The following AKAP13 variants were observed in gnomAD, a reference collection of about 807,000 sequenced individuals.
AKAP13 encodes A-kinase anchor protein 13.
Under a neutral mutation model 264.5 loss-of-function variants are expected in AKAP13, and 80 were observed. The observed-to-expected ratio is 0.30, with a 90% CI of 0.25 to 0.36. The LOEUF (loss-of-function observed/expected upper bound fraction) is 0.36. AKAP13 is among the 10% of genes least tolerant of loss of function. The pLI, the probability that AKAP13 is intolerant of heterozygous loss-of-function variation, is 1.00. For synonymous variants in AKAP13, 1,380 were observed against 1,250.2 expected, an observed-to-expected ratio of 1.10 and a Z score of -2.19; for missense variants, 3,712 against 3,435.2, an observed-to-expected ratio of 1.08 and a Z score of -2.01.
intron 2 of AKAP13, among the ~76,000 whole-genome samples, chr15:85,516,742 A>G (rs2076614826): frequency 6.6e-6 from 1 of 152,144 alleles, no homozygotes; most frequent in South Asian, 2.1e-4. Flanking sequence ...ATCATTTGCC[A>G]ATTTCAGTGG....
chr15:85,681,019 T>A (rs2084566443), intron 14 of AKAP13, among the ~76,000 whole-genome samples: 1 of 152,148 alleles, frequency 6.6e-6, no homozygotes, highest in Admixed American at 6.5e-5. Flanking sequence ...GGTTTCACCA[T>A]GTTGGTCAGC....
At chr15:85,563,343 TTTTTTTTTTTTA>T (rs1477271832) in intron 5 of AKAP13, among the ~76,000 whole-genome samples, 5 of 138,186 alleles carry the variant, frequency 3.6e-5, no homozygotes, top group African/African-American at 8.8e-5. Context: ...TTTTTTTTTT[TTTTTTTTTTTTA>T]AAGACGGAGA....
At chr15:85,730,204 G>A (rs2087902161) in intron 29 of AKAP13, among the ~76,000 whole-genome samples, 1 of 152,240 alleles carries the variant, frequency 6.6e-6, no homozygotes, top group Non-Finnish European at 1.5e-5. Context: ...AGCAGTTGCA[G>A]AGTGGACAGA....
chr15:85,456,476 A>T (rs1054651359), intron 1 of AKAP13, among the ~76,000 whole-genome samples: 11 of 151,334 alleles, frequency 7.3e-5, no homozygotes, highest in African/African-American at 2.7e-4. Flanking sequence ...TTTTTAATTT[A>T]ATTTTATTTT....
At chr15:85,527,171 G>A (rs1189422072) in intron 3 of AKAP13, among the ~76,000 whole-genome samples, 1 of 152,106 alleles carries the variant, frequency 6.6e-6, no homozygotes. Flanking sequence ...CACCGTGTTA[G>A]CCAGGATGGT....
intron 2 of AKAP13, among the ~76,000 whole-genome samples, chr15:85,500,715 TG>T (rs2098539347): frequency 1.3e-5 from 2 of 152,186 alleles, no homozygotes; most frequent in Non-Finnish European, 2.9e-5. Flanking sequence ...TCCTTTTATG[TG>T]GGGGCTGTAA....
At chr15:85,577,585 C>G (rs1246814292) in intron 6 of AKAP13, among the ~76,000 whole-genome samples, 3 of 151,940 alleles carry the variant, frequency 2.0e-5, no homozygotes, top group East Asian at 3.9e-4. Flanking sequence ...GTTTTATGAA[C>G]CTTGATTTTC....
chr15:85,434,210 G>C (rs1384712539), intron 1 of AKAP13, among the ~76,000 whole-genome samples: 1 of 152,072 alleles, frequency 6.6e-6, no homozygotes, highest in African/African-American at 2.4e-5. Flanking sequence ...AAGGGGTGAC[G>C]GACGCACCTG....
At chr15:85,483,972 T>TA (rs1292854854) in intron 1 of AKAP13, among the ~76,000 whole-genome samples, 1 of 152,214 alleles carries the variant, frequency 6.6e-6, no homozygotes, top group Non-Finnish European at 1.5e-5. Context: ...GACACTCTTT[T>TA]AATTTTTGTG....
At chr15:85,538,954 TTGA>T (rs2077493819) in intron 4 of AKAP13, among the ~76,000 whole-genome samples, 1 of 149,354 alleles carries the variant, frequency 6.7e-6, no homozygotes. Context: ...CCTCAGCCTC[TTGA>T]GTAGCTGGGA....
At chr15:85,608,059 G>T (rs2080432027) in intron 8 of AKAP13, among the ~76,000 whole-genome samples, 1 of 152,164 alleles carries the variant, frequency 6.6e-6, no homozygotes, top group Non-Finnish European at 1.5e-5. Flanking sequence ...ATATTTGCCT[G>T]GAGGGATGAG....
At chr15:85,513,017 C>T (rs1001205606) in intron 2 of AKAP13, among the ~76,000 whole-genome samples, 21 of 152,098 alleles carry the variant, frequency 1.4e-4, no homozygotes, top group African/African-American at 3.9e-4. Context: ...CCACCATGCC[C>T]GGCTAATTTT....
In AKAP13 at chr15:85,579,522, G is replaced by A. The variant is rs531951188; in HGVS notation, c.1454G>A (p.Gly485Glu). Residue 485 changes from glycine (G) to glutamate (E), a missense_variant, in exon 7 of 37, where the codon GGG becomes GAG. By Grantham distance (98) the Gly-to-Glu change is moderately conservative (BLOSUM62 -2). This residue lies in a region of AKAP13 where 2,759 missense variants were observed against 2,411.7 expected (regional missense o/e 1.14). Coordinates refer to ENST00000394518, the MANE Select transcript of AKAP13 (RefSeq NM_007200.5). ...TPDTAGEMEHGLMNPDATVWK... is the reference protein window; with the variant it reads ...TPDTAGEMEHELMNPDATVWK... ...GACACTGCAGGGGAAATGGAACATG[G>A]GCTCATGAACCCAGATGCCACTGTT... is the stretch of plus-strand genomic sequence containing the variant. 1.2e-6 allele frequency: 2 copies of A among 1,614,188 alleles called. No individual in the cohort carries two copies. Among genetic ancestry groups the A allele is most frequent in the Admixed American group, 1.7e-5 (1 of 60,028 alleles).
At position 85,580,619 on chromosome 15, in the gene AKAP13, TC is replaced by T. The variant is rs1343971896; in HGVS notation, c.2553del (p.Thr852LeufsTer33). The T allele has an allele frequency of 1.2e-6, 2 of 1,614,174 alleles. No homozygotes were observed. On this transcript the variant is annotated frameshift_variant, in exon 7 of 37. Transcript: ENST00000394518. LOFTEE classifies it high-confidence loss of function. ...EDRAVGLSTS[S>X]TAAELQHGMG... is the part of the protein sequence containing the mutation. Reference sequence around the variant, plus strand: ...CAGGGCAGTAGGCCTGTCCACATCCTCCACTGCTGCAGAGCTTCAGCACGGG... The same window carrying T: ...CAGGGCAGTAGGCCTGTCCACATCCTCACTGCTGCAGAGCTTCAGCACGGG...
At chr15:85,564,314 C>G (rs762330970) in intron 5 of AKAP13, among the ~76,000 whole-genome samples, 1 of 152,254 alleles carries the variant, frequency 6.6e-6, no homozygotes, top group East Asian at 1.9e-4. Context: ...TTCTCCGATT[C>G]TTAACATTGG....
chr15:85,536,830 C>G (rs540413679), intron 4 of AKAP13: 1 of 152,090 alleles, frequency 6.6e-6, no homozygotes, highest in East Asian at 1.9e-4. Context: ...TGGGGGAAGT[C>G]TGACTGGAAA....
At chr15:85,445,778 A>G (rs1477701008) in intron 1 of AKAP13, among the ~76,000 whole-genome samples, 1 of 152,306 alleles carries the variant, frequency 6.6e-6, no homozygotes, top group Non-Finnish European at 1.5e-5. Context: ...TTCTCCTTGT[A>G]ATGGCACTGT....
chr15:85,565,813 C>G (rs1438289229), intron 5 of AKAP13, among the ~76,000 whole-genome samples: 1 of 152,216 alleles, frequency 6.6e-6, no homozygotes, highest in Non-Finnish European at 1.5e-5. Flanking sequence ...TCCTGTCACA[C>G]ATAGCCACTC....
chr15:85,547,084 C>T (rs118192018), intron 5 of AKAP13, among the ~76,000 whole-genome samples: 3,237 of 152,246 alleles, frequency 0.021, 56 homozygotes, highest in Middle Eastern at 0.044. Flanking sequence ...TCTTCCCCAC[C>T]CTGCTTTTTA....
Sources: gnomAD v4.1 joint callset for allele counts (sites outside exome capture counted in the v4.1 genomes callset) on GRCh38, gnomAD v4.1.1 for gene constraint, gnomAD v4.1.1 regional missense constraint, MANE v1.5 for transcripts, NCBI Gene and HGNC (gene_info 2026-07-23, HGNC 2026-07-21) for gene names.